Variants in CDC14B observed in about 807,000 individuals in gnomAD.
CDC14B encodes cell division cycle 14B.
In CDC14B, 22 loss-of-function variants were observed where a neutral mutation model predicts 64.2. That is an observed-to-expected ratio of 0.34 (90% CI 0.24 to 0.49). CDC14B has a LOEUF of 0.49. CDC14B is among the 20% of genes least tolerant of loss of function. The pLI, the probability that CDC14B is intolerant of heterozygous loss-of-function variation, is 0.99. For synonymous variants in CDC14B, 191 were observed against 215.8 expected (o/e 0.89, Z 1.01); for missense variants, 498 against 629.9 (o/e 0.79, Z 2.24).
intron 13 of CDC14B, among the ~76,000 whole-genome samples, chr9:96,494,980 A>G (rs569129452): frequency 0.045 from 6,835 of 151,206 alleles, 206 homozygotes; most frequent in Non-Finnish European, 0.069. Context: ...GACTACAGGT[A>G]CCTGCCACCA....
intron 4 of CDC14B, among the ~76,000 whole-genome samples, chr9:96,562,349 C>T (rs117482579): frequency 0.014 from 2,084 of 152,266 alleles, 43 homozygotes; most frequent in Non-Finnish European, 0.02. Flanking sequence ...AAATGGATCA[C>T]GAGTGAATAG....
chr9:96,543,076 C>A (rs1046632831), intron 5 of CDC14B, among the ~76,000 whole-genome samples: 1 of 152,028 alleles, frequency 6.6e-6, no homozygotes, highest in Admixed American at 6.6e-5. Context: ...GTGGCTAACG[C>A]CTGTAATCCC....
intron 12 of CDC14B, among the ~76,000 whole-genome samples, chr9:96,517,323 CAG>C (rs1835839422): frequency 6.7e-6 from 1 of 149,742 alleles, no homozygotes; most frequent in East Asian, 2.0e-4. Context: ...GCCTGGCCGA[CAG>C]AGCGAGACTC....
At chr9:96,598,874 C>T (rs1343282911) in intron 1 of CDC14B, among the ~76,000 whole-genome samples, 1 of 152,064 alleles carries the variant, frequency 6.6e-6, no homozygotes, top group East Asian at 1.9e-4. Context: ...TAAGGGCTTG[C>T]TTAAAGATCT....
chr9:96,536,082 G>T (rs1244608826), intron 7 of CDC14B, among the ~76,000 whole-genome samples: 1 of 152,180 alleles, frequency 6.6e-6, no homozygotes, highest in Non-Finnish European at 1.5e-5. Flanking sequence ...GATACATCCT[G>T]AATTCAGAGG....
chr9:96,605,634 C>T (rs968056215), intron 1 of CDC14B, among the ~76,000 whole-genome samples: 1 of 152,218 alleles, frequency 6.6e-6, no homozygotes, highest in Non-Finnish European at 1.5e-5. Context: ...CTTGACTCAG[C>T]ATCTGTTCTG....
intron 3 of CDC14B, among the ~76,000 whole-genome samples, chr9:96,564,486 G>C (rs1400026971): frequency 6.6e-6 from 1 of 152,192 alleles, no homozygotes; most frequent in Non-Finnish European, 1.5e-5. Context: ...TATTAGGTCA[G>C]ACAATACGAG....
At position 96,515,188 on chromosome 9, in the gene CDC14B, T is replaced by C. The variant is rs961394941; in HGVS notation, c.1344-5399A>G. 7.9e-5 allele frequency among the ~76,000 whole-genome samples: 12 copies of C among 152,310 alleles called. No individual in the cohort carries two copies. The South Asian group carries it at 1.9e-3, about 24-fold the overall frequency. Reference sequence around the variant, plus strand: ...CAGATTTCGAGGCTACAAAATCACATATTTAATGAAAGTAGATCAGTGGGA... The same window carrying C: ...CAGATTTCGAGGCTACAAAATCACACATTTAATGAAAGTAGATCAGTGGGA... On this transcript the variant is annotated intron_variant, in intron 12 of 13. Coordinates refer to ENST00000375241, the MANE Select transcript of CDC14B (RefSeq NM_033331.4). This position sits in a 1 kb window ranked among gnomAD's most constrained non-coding sequence, Gnocchi z 4.3.
At chr9:96,580,926 T>A (rs1201426505) in intron 1 of CDC14B, among the ~76,000 whole-genome samples, 1 of 152,210 alleles carries the variant, frequency 6.6e-6, no homozygotes, top group Non-Finnish European at 1.5e-5. Context: ...GGTAAATTTA[T>A]ATGTATAAAA....
At chr9:96,541,746 C>A in intron 6 of CDC14B, 80 bp downstream of exon 6, 4 of 935,304 alleles carry the variant, frequency 4.3e-6, no homozygotes, top group South Asian at 2.3e-5. Flanking sequence ...ACAAAAAGAT[C>A]TCGGGAAGAA....
intron 11 of CDC14B, 41 bp from the exon 12 acceptor site, chr9:96,522,644 C>T (rs1836924383): frequency 6.1e-6 from 8 of 1,308,102 alleles, no homozygotes; most frequent in Non-Finnish European, 8.9e-6. Flanking sequence ...ATTTAAGTTG[C>T]ACTTATTAAT....
At chr9:96,603,580 C>T (rs1846651263) in intron 1 of CDC14B, among the ~76,000 whole-genome samples, 1 of 152,226 alleles carries the variant, frequency 6.6e-6, no homozygotes, top group African/African-American at 2.4e-5. Flanking sequence ...TGCCCACTGA[C>T]ATTCGAGAAA....
intron 1 of CDC14B, among the ~76,000 whole-genome samples, chr9:96,590,648 TG>T (rs1331442098): frequency 1.3e-5 from 2 of 148,446 alleles, no homozygotes; most frequent in African/African-American, 5.2e-5. Context: ...ATTTATTTCC[TG>T]GTTTTTTTTT....
At chr9:96,590,320 TTC>T (rs1845706307) in intron 1 of CDC14B, among the ~76,000 whole-genome samples, 1 of 152,102 alleles carries the variant, frequency 6.6e-6, no homozygotes, top group African/African-American at 2.4e-5. Context: ...ATGACAGGAT[TTC>T]TTTCTTTTTT....
At chr9:96,618,158 T>C (rs1847755572) in intron 1 of CDC14B, among the ~76,000 whole-genome samples, 1 of 152,240 alleles carries the variant, frequency 6.6e-6, no homozygotes, top group Non-Finnish European at 1.5e-5. Context: ...TTATTTCTCC[T>C]AAACGTCTGT....
chr9:96,609,023 A>T (rs1035879496), intron 1 of CDC14B, among the ~76,000 whole-genome samples: 1 of 152,134 alleles, frequency 6.6e-6, no homozygotes, highest in African/African-American at 2.4e-5. Context: ...CCCAGGCTGG[A>T]GTGCAGTGGC....
chr9:96,601,520 G>A lies in CDC14B; in HGVS notation c.160+17699C>T, dbSNP rs531556529. On this transcript the variant is annotated intron_variant, in intron 1 of 13. Coordinates refer to ENST00000375241, the MANE Select transcript of CDC14B (RefSeq NM_033331.4). Reference sequence around the variant, plus strand: ...CAAAAAAAAAACTTACAAAAGGGCCGGGCGTGGCACACCTGTAGTAAACCC... The same window carrying A: ...CAAAAAAAAAACTTACAAAAGGGCCAGGCGTGGCACACCTGTAGTAAACCC... Among the ~76,000 whole-genome samples, 87 of 149,096 alleles carry A rather than the reference G, an allele frequency of 5.8e-4. 1 individual carries two copies. Among genetic ancestry groups the A allele is most frequent in the African/African-American group, 1.9e-3 (78 of 40,560 alleles).
Position 96,603,759 on chromosome 9 carries a change from A to G in CDC14B, c.160+15460T>C, listed in dbSNP as rs541691641. Among the ~76,000 whole-genome samples, 17 of 152,346 alleles carry G rather than the reference A, an allele frequency of 1.1e-4. No individual in the cohort carries two copies. In the South Asian group the frequency reaches 3.1e-3, roughly 28 times the overall value. ...AGAACAGACTGAATTACCTCTGAAG[A>G]AAAAATGAAAAGACACTGCGCAAGA... On this transcript the variant is annotated intron_variant, in intron 1 of 13. Coordinates refer to ENST00000375241, the MANE Select transcript of CDC14B (RefSeq NM_033331.4).
chr9:96,521,942 C>T (rs759075544), intron 12 of CDC14B, among the ~76,000 whole-genome samples: 203 of 152,342 alleles, frequency 1.3e-3, no homozygotes, highest in Non-Finnish European at 2.4e-3. Context: ...AACTAACACA[C>T]ATTCACAAGA....
Sources: allele counts gnomAD v4.1 joint callset (sites outside exome capture counted in the v4.1 genomes callset), GRCh38; gene constraint gnomAD v4.1.1; non-coding constraint Gnocchi (gnomAD v3.1); transcripts MANE v1.5; gene names NCBI Gene and HGNC (gene_info 2026-07-23, HGNC 2026-07-21).